Variants in SCHIP1 observed in about 807,000 individuals in gnomAD.
SCHIP1 encodes schwannomin-interacting protein 1.
Under a neutral mutation model 29.7 loss-of-function variants are expected in SCHIP1, and 8 were observed. That is an observed-to-expected ratio of 0.27 (90% CI 0.16 to 0.49). SCHIP1 has a LOEUF of 0.49. Among genes scored for constraint, SCHIP1 ranks in the 20% least tolerant of loss-of-function variants. The pLI is 0.99. For missense variants in SCHIP1, 193 were observed against 294.6 expected (o/e 0.66, Z 2.52); for synonymous variants, 76 against 94.9 (o/e 0.80, Z 1.16).
At chr3:159,300,301 A>G in the SCHIP1 span, among the ~76,000 whole-genome samples, 11 of 151,552 alleles carry the variant, frequency 7.3e-5, no homozygotes, top group Non-Finnish European at 1.5e-4. Context: ...AGTTTTTAAA[A>G]AGATTTTTTT....
chr3:159,457,969 A>G, the SCHIP1 span, among the ~76,000 whole-genome samples: 1 of 152,296 alleles, frequency 6.6e-6, no homozygotes, highest in South Asian at 2.1e-4. Context: ...AAGGAGCACT[A>G]CTGTATTTTT....
chr3:159,866,352 A>G (rs1560089016), intron 2 of SCHIP1, 71 bp downstream of exon 3: 1 of 1,431,842 alleles, frequency 7.0e-7, no homozygotes, highest in East Asian at 2.4e-5. Context: ...TTCTAATAAA[A>G]AAAAGCCTTT....
chr3:159,687,294 TA>T, the SCHIP1 span, among the ~76,000 whole-genome samples: 1 of 151,934 alleles, frequency 6.6e-6, no homozygotes, highest in African/African-American at 2.4e-5. Context: ...TCAACCAAAA[TA>T]GGAAAAAAGA....
chr3:159,887,578 A>G, intron 3 of SCHIP1, 130 bp from the exon 5 acceptor site: 1 of 945,362 alleles, frequency 1.1e-6, no homozygotes, highest in East Asian at 2.4e-5. Flanking sequence ...CAACTCAAGT[A>G]GCAAGTCACA....
At chr3:159,759,892 C>T in the SCHIP1 span, among the ~76,000 whole-genome samples, 1 of 152,162 alleles carries the variant, frequency 6.6e-6, no homozygotes, top group Non-Finnish European at 1.5e-5. Flanking sequence ...CTCTTTGATT[C>T]AAATATTTCA....
chr3:159,274,848 T>C, the SCHIP1 span: 1 of 586,810 alleles, frequency 1.7e-6, no homozygotes, highest in Admixed American at 6.4e-5. Flanking sequence ...ATAAAATATA[T>C]TTTTATATAA....
chr3:159,494,755 T>C, the SCHIP1 span, among the ~76,000 whole-genome samples: 1 of 152,078 alleles, frequency 6.6e-6, no homozygotes, highest in East Asian at 1.9e-4. Context: ...CTCATTTTTT[T>C]AGGCCAGCAT....
chr3:159,367,398 CAA>C, the SCHIP1 span, among the ~76,000 whole-genome samples: 4,007 of 128,018 alleles, frequency 0.031, 68 homozygotes, highest in East Asian at 0.12. Context: ...AACTCCATCT[CAA>C]AAAAAAAAAA....
chr3:159,520,572 C>T, the SCHIP1 span, among the ~76,000 whole-genome samples: 1 of 152,224 alleles, frequency 6.6e-6, no homozygotes, highest in Non-Finnish European at 1.5e-5. Context: ...GATTAAACTA[C>T]AGCCTGATGA....
the SCHIP1 span, among the ~76,000 whole-genome samples, chr3:159,730,967 G>A: frequency 6.6e-6 from 1 of 152,214 alleles, no homozygotes; most frequent in Admixed American, 6.5e-5. Flanking sequence ...AATCAGAGTA[G>A]GAGGAATATG....
At chr3:159,721,786 C>A in the SCHIP1 span, 1 of 436,530 alleles carries the variant, frequency 2.3e-6, no homozygotes, top group Non-Finnish European at 4.5e-6. Context: ...CTGTTCTTCC[C>A]CAGCTGGGCT....
the SCHIP1 span, among the ~76,000 whole-genome samples, chr3:159,750,290 TATATATAC>T: frequency 9.3e-5 from 12 of 128,848 alleles, no homozygotes; most frequent in African/African-American, 2.4e-4. Context: ...TATATATATA[TATATATAC>T]ACACACACAC....
chr3:159,479,508 A>C, the SCHIP1 span, among the ~76,000 whole-genome samples: 1 of 152,202 alleles, frequency 6.6e-6, no homozygotes, highest in African/African-American at 2.4e-5. Context: ...ACATACGGTC[A>C]GATCAAAACT....
the SCHIP1 span, among the ~76,000 whole-genome samples, chr3:159,730,019 A>G: frequency 6.6e-6 from 1 of 152,376 alleles, no homozygotes; most frequent in African/African-American, 2.4e-5. Context: ...TATCTACACT[A>G]TATCTATCCA....
the SCHIP1 span, among the ~76,000 whole-genome samples, chr3:159,349,209 AT>A: frequency 2.7e-3 from 413 of 152,246 alleles, 1 homozygote; most frequent in Non-Finnish European, 4.6e-3. Flanking sequence ...AAGCTCATTG[AT>A]TTTTTTACCA....
At chr3:159,758,517 G>T in the SCHIP1 span, among the ~76,000 whole-genome samples, 4 of 138,378 alleles carry the variant, frequency 2.9e-5, no homozygotes, top group Non-Finnish European at 6.3e-5. Flanking sequence ...GAAACCTTCT[G>T]GAAAAAGAAA....
the SCHIP1 span, among the ~76,000 whole-genome samples, chr3:159,755,127 C>T: frequency 6.6e-6 from 1 of 151,882 alleles, no homozygotes; most frequent in African/African-American, 2.4e-5. Context: ...CCCAGCTACT[C>T]GGGAGGCTGA....
At chr3:159,544,624 T>C in the SCHIP1 span, among the ~76,000 whole-genome samples, 1 of 152,104 alleles carries the variant, frequency 6.6e-6, no homozygotes, top group African/African-American at 2.4e-5. Context: ...TCGTTTCATG[T>C]TTTCTTAAAA....
the SCHIP1 span, among the ~76,000 whole-genome samples, chr3:159,618,551 A>C: frequency 9.8e-5 from 15 of 152,360 alleles, no homozygotes; most frequent in African/African-American, 3.6e-4. Flanking sequence ...AAAGTGTTCA[A>C]CTATGATGAA....
Sources: gnomAD v4.1 joint callset for allele counts (sites outside exome capture counted in the v4.1 genomes callset) on GRCh38, gnomAD v4.1.1 for gene constraint, MANE v1.5 for transcripts, NCBI Gene and HGNC (gene_info 2026-07-23, HGNC 2026-07-21) for gene names.